ITGA9: variants seen among roughly 807,000 people sequenced by gnomAD.
The protein encoded by ITGA9 is integrin alpha-9.
A neutral mutation model predicts 127.8 loss-of-function variants in ITGA9; 56 were observed. That is an observed-to-expected ratio of 0.44 (90% confidence interval 0.35 to 0.55). ITGA9 has a LOEUF of 0.55. Ranked by LOEUF, ITGA9 falls within the 20% of genes least tolerant of loss-of-function variation. The pLI is 0.00. For synonymous variants in ITGA9, 508 were observed against 514.5 expected, an observed-to-expected ratio of 0.99 and a Z score of 0.17; for missense variants, 1,196 against 1,347.1, an observed-to-expected ratio of 0.89 and a Z score of 1.76.
chr3:37,484,582 C>T (rs61636317), intron 4 of ITGA9, among the ~76,000 whole-genome samples: 17,113 of 152,080 alleles, frequency 0.11, 1,088 homozygotes, highest in Middle Eastern at 0.17. Flanking sequence ...TTTCAGATAC[C>T]ACCTAGAACA....
intron 18 of ITGA9, among the ~76,000 whole-genome samples, chr3:37,697,184 C>A (rs1435048025): frequency 1.3e-5 from 2 of 152,118 alleles, no homozygotes; most frequent in African/African-American, 4.8e-5. Flanking sequence ...CTCAGACTTG[C>A]TGTATTACCA....
At position 37,494,514 on chromosome 3, in the gene ITGA9, G is replaced by A. The variant is rs1342581562; in HGVS notation, c.558G>A (p.Lys186=). ...CCTTCCCCCTAGAGTATAAGAAGAA[G>A]TACGGAGAGGAACACGGCTCCTGCC... ...LIPCYEEYKK[K]YGEEHGSCQA... Residue 186 remains lysine, a synonymous_variant, in exon 5 of 28, where the codon AAG becomes AAA. Coordinates refer to ENST00000264741, the MANE Select transcript of ITGA9 (RefSeq NM_002207.3). 6.2e-7 allele frequency: 1 copy of A among 1,613,180 alleles called. No individual in the cohort carries two copies. Among genetic ancestry groups the A allele is most frequent in the Non-Finnish European group, 8.5e-7 (1 of 1,179,256 alleles).
At chr3:37,604,055 G>A (rs1299160119) in intron 15 of ITGA9, among the ~76,000 whole-genome samples, 5 of 152,232 alleles carry the variant, frequency 3.3e-5, no homozygotes, top group African/African-American at 7.2e-5. Flanking sequence ...CAGAGGATAC[G>A]GATGGGCAAG....
chr3:37,488,279 A>G (rs2125562186), intron 4 of ITGA9, among the ~76,000 whole-genome samples: 1 of 151,714 alleles, frequency 6.6e-6, no homozygotes, highest in South Asian at 2.1e-4. Flanking sequence ...CTCAGTTCTG[A>G]GCTGGGGTTC....
chr3:37,508,832 C>T (rs537131292), intron 8 of ITGA9, among the ~76,000 whole-genome samples: 78 of 152,266 alleles, frequency 5.1e-4, no homozygotes, highest in African/African-American at 1.8e-3. Context: ...AGGAGACATT[C>T]TGTAGCAAGA....
chr3:37,586,581 T>C (rs2125612718), intron 15 of ITGA9, among the ~76,000 whole-genome samples: 1 of 152,374 alleles, frequency 6.6e-6, no homozygotes, highest in Middle Eastern at 3.4e-3. Flanking sequence ...TTATAATTAC[T>C]CTGATACCAG....
chr3:37,572,536 G>C (rs1215280435), intron 15 of ITGA9, among the ~76,000 whole-genome samples: 2 of 152,168 alleles, frequency 1.3e-5, no homozygotes, highest in Non-Finnish European at 2.9e-5. Flanking sequence ...TATTTAGTAG[G>C]ATTGCTGTAA....
intron 23 of ITGA9, among the ~76,000 whole-genome samples, chr3:37,760,290 A>T (rs1575225727): frequency 6.6e-6 from 1 of 152,244 alleles, no homozygotes; most frequent in East Asian, 1.9e-4. Flanking sequence ...AAAAAGCAAA[A>T]CACCTGAAAT....
chr3:37,760,534 C>T (rs1020054734), intron 23 of ITGA9, among the ~76,000 whole-genome samples: 22 of 151,362 alleles, frequency 1.5e-4, no homozygotes, highest in African/African-American at 4.4e-4. Flanking sequence ...GAAAAGAGGG[C>T]AGAAAAAAAA....
rs533414786 is a variant in ITGA9 at position 37,564,495 on chromosome 3, A to C, written c.1689+21910A>C. On this transcript the variant is annotated intron_variant, in intron 15 of 27. Coordinates refer to ENST00000264741, the MANE Select transcript of ITGA9 (RefSeq NM_002207.3). The stretch of plus-strand genomic sequence containing the variant: ...TATGGAAGACTTTCTGAAAGCCCAT[A>C]TCTCATGCTAAATTTAGCTGGATTT... Among the ~76,000 whole-genome samples the C allele has an allele frequency of 1.5e-3, 232 of 152,310 alleles. 4 individuals are homozygous for C. Among genetic ancestry groups the C allele is most frequent in the African/African-American group, 5.4e-3 (225 of 41,562 alleles).
intron 15 of ITGA9, among the ~76,000 whole-genome samples, chr3:37,602,724 C>G (rs1265488467): frequency 6.6e-6 from 1 of 152,036 alleles, no homozygotes; most frequent in Non-Finnish European, 1.5e-5. Context: ...ATTACCAAGA[C>G]CTTGCTTCAC....
At chr3:37,722,302 A>G (rs555881669) in intron 18 of ITGA9, among the ~76,000 whole-genome samples, 36 of 152,220 alleles carry the variant, frequency 2.4e-4, no homozygotes, top group Non-Finnish European at 4.4e-4. Context: ...CTTTAAACAG[A>G]TTCGTTGAGA....
At chr3:37,484,354 A>G (rs972881938) in intron 4 of ITGA9, among the ~76,000 whole-genome samples, 4 of 152,066 alleles carry the variant, frequency 2.6e-5, no homozygotes, top group Non-Finnish European at 2.9e-5. Flanking sequence ...TGGGGCTGGG[A>G]GGATGCCGGC....
At chr3:37,748,180 G>A in intron 22 of ITGA9, 2 of 463,444 alleles carry the variant, frequency 4.3e-6, no homozygotes, top group Non-Finnish European at 4.2e-6. Context: ...AAAACATGGA[G>A]TTGTTTTTTT....
chr3:37,533,328 T>A lies in ITGA9; in HGVS notation c.1388T>A (p.Ile463Asn). The A allele has an allele frequency of 6.2e-7, 1 of 1,614,208 alleles. No individual in the cohort carries two copies. The highest frequency in any genetic ancestry group is 1.1e-5 in the South Asian group (1 of 91,080). The change falls in exon 14 of 28, where the codon ATT becomes AAT. Residue 463 changes from isoleucine to asparagine, a missense_variant. Transcript: ENST00000264741. Reference protein sequence around the residue: ...SVVLLRARPVITVDVSIFLPG... With the variant: ...SVVLLRARPVNTVDVSIFLPG... ...TTGCCCTGCAGAGCAAGGCCTGTCA[T>A]TACGGTGGATGTCTCCATCTTCCTC... is the stretch of plus-strand genomic sequence containing the variant.
chr3:37,751,646 T>G (rs773136909), intron 23 of ITGA9, among the ~76,000 whole-genome samples: 1 of 152,178 alleles, frequency 6.6e-6, no homozygotes, highest in Non-Finnish European at 1.5e-5. Context: ...GGAAGGGACT[T>G]GGGCTCACAC....
intron 18 of ITGA9, among the ~76,000 whole-genome samples, chr3:37,721,000 A>T: frequency 6.6e-6 from 1 of 151,144 alleles, no homozygotes; most frequent in East Asian, 1.9e-4. Context: ...TTGGGAGGAG[A>T]CCTCGCCGTC....
At chr3:37,504,503 G>A (rs1698820485) in intron 6 of ITGA9, among the ~76,000 whole-genome samples, 1 of 152,066 alleles carries the variant, frequency 6.6e-6, no homozygotes, top group Admixed American at 6.5e-5. Context: ...CACTGGGCTG[G>A]GAGCACCTTG....
chr3:37,454,919 A>G (rs1303642634), intron 1 of ITGA9, among the ~76,000 whole-genome samples: 3 of 152,124 alleles, frequency 2.0e-5, no homozygotes, highest in Non-Finnish European at 2.9e-5. Flanking sequence ...AGTGACTTCC[A>G]ACATCTTCTT....
Sources: allele counts gnomAD v4.1 joint callset (sites outside exome capture counted in the v4.1 genomes callset), GRCh38; gene constraint gnomAD v4.1.1; transcripts MANE v1.5; gene names NCBI Gene and HGNC (gene_info 2026-07-23, HGNC 2026-07-21).